Variants in STAP1 observed in about 807,000 individuals in gnomAD.
The protein encoded by STAP1 is signal-transducing adaptor protein 1.
STAP1 carries 30 observed loss-of-function variants against 37.8 expected under a neutral mutation model. That is an observed-to-expected ratio of 0.79 (90% CI 0.59 to 1.08). The LOEUF is 1.08. STAP1 is among the 50% of genes least tolerant of loss of function. STAP1 has a pLI of 0.00. For missense variants in STAP1, 357 were observed against 349.4 expected, an observed-to-expected ratio of 1.02 and a Z score of -0.17; for synonymous variants, 130 against 116.0, an observed-to-expected ratio of 1.12 and a Z score of -0.78.
intron 2 of STAP1, among the ~76,000 whole-genome samples, chr4:67,574,627 C>A (rs1321188047): frequency 1.3e-5 from 2 of 152,172 alleles, no homozygotes; most frequent in African/African-American, 4.8e-5. Flanking sequence ...TTAAAGCCTA[C>A]ACCAAGGGCC....
chr4:67,605,172 A>T lies in STAP1; in HGVS notation c.827-1124A>T, dbSNP rs1021917926. Among the ~76,000 whole-genome samples, 6 of 152,122 alleles carry T rather than the reference A, an allele frequency of 3.9e-5. No homozygotes were observed. In the South Asian group the frequency reaches 1.2e-3, roughly 31 times the overall value. On this transcript the variant is annotated intron_variant, in intron 8 of 8. Transcript: ENST00000265404. ...TGTGCTGTAATTGCAGTTCTGTGAG[A>T]CTGCAGTTGCCCAATCTCTCCAAGA...
intron 4 of STAP1, among the ~76,000 whole-genome samples, chr4:67,579,318 G>T (rs1424466104): frequency 6.6e-6 from 1 of 152,216 alleles, no homozygotes; most frequent in Non-Finnish European, 1.5e-5. Context: ...GTAGTTGAAA[G>T]AGCTGAGACA....
At chr4:67,605,448 A>G (rs1169140113) in intron 8 of STAP1, among the ~76,000 whole-genome samples, 3 of 150,730 alleles carry the variant, frequency 2.0e-5, no homozygotes, top group Non-Finnish European at 4.4e-5. Context: ...TGCTATTGGT[A>G]TATGACTGAA....
intron 1 of STAP1, among the ~76,000 whole-genome samples, chr4:67,561,869 GGA>G (rs1727346023): frequency 1.3e-5 from 2 of 151,678 alleles, no homozygotes; most frequent in Admixed American, 1.3e-4. Flanking sequence ...GTCAGGAAAT[GGA>G]GACCAACCTG....
At chr4:67,577,402 A>G in intron 4 of STAP1, 143 bp downstream of exon 4, 1 of 566,908 alleles carries the variant, frequency 1.8e-6, no homozygotes, top group Non-Finnish European at 2.9e-6. Context: ...TTACTTATGA[A>G]CATTATATTT....
intron 8 of STAP1, among the ~76,000 whole-genome samples, chr4:67,594,767 T>C (rs1264160479): frequency 6.6e-6 from 1 of 152,230 alleles, no homozygotes; most frequent in Non-Finnish European, 1.5e-5. Context: ...TTTAAACTTG[T>C]CACTTAAAAT....
chr4:67,595,719 C>G (rs528421176), intron 8 of STAP1, among the ~76,000 whole-genome samples: 1 of 152,202 alleles, frequency 6.6e-6, no homozygotes, highest in Admixed American at 6.5e-5. Flanking sequence ...GTTCTTTGCT[C>G]TTTTCTTTTT....
chr4:67,579,633 T>C (rs983539616), intron 4 of STAP1, among the ~76,000 whole-genome samples: 4 of 152,184 alleles, frequency 2.6e-5, no homozygotes, highest in African/African-American at 7.2e-5. Context: ...ACATATCACA[T>C]GGTGAGAGTA....
chr4:67,564,377 A>G (rs1727419165), intron 1 of STAP1, among the ~76,000 whole-genome samples: 1 of 152,122 alleles, frequency 6.6e-6, no homozygotes, highest in Admixed American at 6.6e-5. Context: ...CCCAATTCAT[A>G]TCATTCTTTT....
chr4:67,594,537 T>C (rs6830199), intron 8 of STAP1, among the ~76,000 whole-genome samples: 23,098 of 151,864 alleles, frequency 0.15, 3,017 homozygotes, highest in African/African-American at 0.35. Context: ...ACAGTTCTCA[T>C]ATTAGAGAAT....
At position 67,606,292 on chromosome 4, in the gene STAP1, C is replaced by T; in HGVS notation, c.827-4C>T. The stretch of plus-strand genomic sequence containing the variant: ...AATTAAGTTTTTCTACCCACAATTT[C>T]TAGGTCAAGAACCCAGTATGGAAGG... On this transcript the variant is annotated splice_polypyrimidine_tract_variant and splice_region_variant and intron_variant, in intron 8 of 8. Coordinates refer to ENST00000265404, the MANE Select transcript of STAP1 (RefSeq NM_012108.4). 1 of 1,604,608 alleles carries T rather than the reference C, an allele frequency of 6.2e-7. No individual in the cohort carries two copies. Among genetic ancestry groups the T allele is most frequent in the Non-Finnish European group, 8.5e-7 (1 of 1,177,266 alleles).
chr4:67,591,440 TC>T (rs1728117426), intron 7 of STAP1, among the ~76,000 whole-genome samples: 1 of 152,214 alleles, frequency 6.6e-6, no homozygotes, highest in Admixed American at 6.5e-5. Flanking sequence ...ACATATATCA[TC>T]CAATGTAATT....
At chr4:67,599,830 C>G (rs1728303123) in intron 8 of STAP1, among the ~76,000 whole-genome samples, 2 of 151,734 alleles carry the variant, frequency 1.3e-5, no homozygotes, top group African/African-American at 4.8e-5. Context: ...TTAGTAGAGA[C>G]AGGGTTTCAC....
At chr4:67,605,885 T>A (rs897697424) in intron 8 of STAP1, among the ~76,000 whole-genome samples, 1 of 152,140 alleles carries the variant, frequency 6.6e-6, no homozygotes, top group East Asian at 1.9e-4. Flanking sequence ...AAAAAGCTAA[T>A]ATGTAATAAA....
intron 8 of STAP1, among the ~76,000 whole-genome samples, chr4:67,595,723 T>TAAAA (rs1728210228): frequency 6.6e-6 from 1 of 152,212 alleles, no homozygotes; most frequent in Non-Finnish European, 1.5e-5. Context: ...TTTGCTCTTT[T>TAAAA]CTTTTTCAAA....
intron 5 of STAP1, among the ~76,000 whole-genome samples, chr4:67,583,062 T>C (rs945797936): frequency 6.6e-6 from 1 of 152,210 alleles, no homozygotes; most frequent in Non-Finnish European, 1.5e-5. Flanking sequence ...AAATGAGAAG[T>C]GCTTTATTTT....
chr4:67,584,388 T>C (rs1415830042), intron 6 of STAP1, among the ~76,000 whole-genome samples: 3 of 152,196 alleles, frequency 2.0e-5, no homozygotes, highest in African/African-American at 7.2e-5. Context: ...AAAACATCCC[T>C]GGCTTCAATC....
chr4:67,575,484 G>T lies in STAP1; in HGVS notation c.292G>T (p.Glu98Ter), dbSNP rs537393368. The change falls in exon 3 of 9, where the codon GAA becomes TAA. Residue 98 changes from glutamate (E) to a stop codon, truncating the protein, a stop_gained. Transcript: ENST00000265404. LOFTEE classifies it high-confidence loss of function. ...ATTCACCCTTGTTTTGCCGAAAGAG[G>T]AAGTACAACTGAAGGTGAGCGAGGA... ...AKFTLVLPKE[E>*]VQLKTENTES... 1 of 1,609,762 alleles carries T rather than the reference G, an allele frequency of 6.2e-7. No homozygotes were observed. Among genetic ancestry groups the T allele is most frequent in the Non-Finnish European group, 8.5e-7 (1 of 1,178,176 alleles).
chr4:67,571,066 A>T lies in STAP1; in HGVS notation c.121-18A>T, dbSNP rs1304840730. ...AATATACACTAATGAAATAATGTTT[A>T]TGGTTTCTTTCCCACAGGAGTATGA... On this transcript the variant is annotated intron_variant, in intron 1 of 8. Transcript: ENST00000265404. 3 of 1,593,482 alleles carry T rather than the reference A, an allele frequency of 1.9e-6. No homozygotes were observed. Among genetic ancestry groups the T allele is most frequent in the Non-Finnish European group, 2.6e-6 (3 of 1,162,776 alleles).
Sources: gnomAD v4.1 joint callset for allele counts (sites outside exome capture counted in the v4.1 genomes callset) on GRCh38, gnomAD v4.1.1 for gene constraint, MANE v1.5 for transcripts, NCBI Gene and HGNC (gene_info 2026-07-23, HGNC 2026-07-21) for gene names.